Variants in CEP290 observed in about 807,000 individuals in gnomAD.
CEP290 encodes the protein centrosomal protein 290, also known as centrosomal protein of 290 kDa.
A neutral mutation model predicts 344.9 loss-of-function variants in CEP290; 317 were observed. The ratio of observed to expected loss-of-function variants is 0.92; its 90% CI spans 0.84 to 1.01. The LOEUF (loss-of-function observed/expected upper bound fraction) is 1.01. CEP290 is among the 50% of genes least tolerant of loss of function. The probability of loss-of-function intolerance (pLI) is 0.00; values close to 1 mark genes in which losing one functional copy is unlikely to be tolerated. For synonymous variants in CEP290, 932 were observed against 895.8 expected, an observed-to-expected ratio of 1.04 and a Z score of -0.72; for missense variants, 2,754 against 2,761.4, an observed-to-expected ratio of 1.00 and a Z score of 0.06.
intron 49 of CEP290, chr12:88,058,624 G>A: frequency 1.8e-6 from 1 of 567,012 alleles, no homozygotes; most frequent in Non-Finnish European, 3.1e-6. Context: ...GCTCTACACT[G>A]TTCCATGCCC....
intron 44 of CEP290, among the ~76,000 whole-genome samples, chr12:88,067,405 A>G (rs1231708363): frequency 6.6e-6 from 1 of 152,194 alleles, no homozygotes; most frequent in Non-Finnish European, 1.5e-5. Context: ...AAAGAAATAA[A>G]GGACGGCCAC....
chr12:88,139,308 G>A, intron 4 of CEP290, 117 bp from the exon 5 acceptor site: 1 of 543,256 alleles, frequency 1.8e-6, no homozygotes. Flanking sequence ...ATGATTATAA[G>A]GTAACAAAAA....
chr12:88,054,321 A>T lies in CEP290; in HGVS notation c.7034+19T>A, dbSNP rs1410588291. The T allele has an allele frequency of 1.3e-6, 2 of 1,531,092 alleles. No individual in the cohort carries two copies. The highest frequency in any genetic ancestry group is 1.4e-5 in the African/African-American group (1 of 71,808). The allele number at this position is 1,531,092 out of a possible 1,614,324, so 94.8% of individuals were successfully genotyped here. ...TTTTAAAGAAAAAAACAAAGTAGTC[A>T]TATGAATACATGATGTACCTAAGAA... On this transcript the variant is annotated intron_variant, in intron 51 of 53. Transcript: ENST00000552810.
intron 6 of CEP290, among the ~76,000 whole-genome samples, chr12:88,131,976 C>T (rs995230562): frequency 1.3e-5 from 2 of 152,164 alleles, no homozygotes; most frequent in South Asian, 4.1e-4. Context: ...AGGTTTATGT[C>T]CCTCATCAAC....
chr12:88,049,850 TTAA>T (rs1355997116), intron 53 of CEP290: 2 of 157,628 alleles, frequency 1.3e-5, no homozygotes, highest in South Asian at 2.0e-4. Flanking sequence ...TATAAAGTTA[TTAA>T]TATGATCAGG....
intron 12 of CEP290, 93 bp downstream of exon 12, chr12:88,126,223 C>T: frequency 9.7e-7 from 1 of 1,033,430 alleles, no homozygotes; most frequent in Non-Finnish European, 1.3e-6. Context: ...AGCCGCTACA[C>T]TAGGCACTGA....
intron 13 of CEP290, among the ~76,000 whole-genome samples, chr12:88,122,747 C>A (rs530289554): frequency 6.6e-4 from 100 of 152,258 alleles, no homozygotes; most frequent in African/African-American, 2.2e-3. Context: ...GCAGTTTAAA[C>A]TACTTTCAAA....
intron 20 of CEP290, among the ~76,000 whole-genome samples, chr12:88,113,643 G>C (rs1452948554): frequency 6.6e-6 from 1 of 151,728 alleles, no homozygotes; most frequent in Admixed American, 6.6e-5. Context: ...TAACATAAAT[G>C]ACATATACTT....
At chr12:88,056,436 A>G (rs1195032796) in intron 49 of CEP290, among the ~76,000 whole-genome samples, 1 of 152,214 alleles carries the variant, frequency 6.6e-6, no homozygotes, top group East Asian at 1.9e-4. Context: ...AAAATCTGCT[A>G]GGATAATACA....
chr12:88,085,719 C>A (rs1374027713), intron 34 of CEP290, among the ~76,000 whole-genome samples: 2 of 151,834 alleles, frequency 1.3e-5, no homozygotes, highest in African/African-American at 2.4e-5. Flanking sequence ...ACATGCACTT[C>A]AAAATAAAAC....
chr12:88,067,978 C>T (rs548207586), intron 44 of CEP290, among the ~76,000 whole-genome samples: 2 of 152,232 alleles, frequency 1.3e-5, no homozygotes, highest in South Asian at 4.1e-4. Flanking sequence ...TGAAAAATAT[C>T]ATGCCCTTGT....
chr12:88,088,992 T>C (rs371632756), intron 31 of CEP290, 40 bp downstream of exon 31: 23 of 1,390,904 alleles, frequency 1.7e-5, no homozygotes, highest in African/African-American at 1.4e-4. Context: ...CAGATCAAGA[T>C]ACTGTCTCTT....
intron 6 of CEP290, among the ~76,000 whole-genome samples, chr12:88,134,798 T>C (rs2040264719): frequency 1.3e-5 from 2 of 152,212 alleles, no homozygotes; most frequent in African/African-American, 2.4e-5. Flanking sequence ...TTTTCACTTA[T>C]ATTTCAGTCA....
At chr12:88,129,180 A>ATACAT (rs964845644) in intron 10 of CEP290, 145 bp from the exon 11 acceptor site, 1 of 409,002 alleles carries the variant, frequency 2.4e-6, no homozygotes, top group South Asian at 9.1e-5. Flanking sequence ...ATACATACGG[A>ATACAT]TACATTACAT....
At chr12:88,135,393 A>G (rs777265848) in intron 6 of CEP290, among the ~76,000 whole-genome samples, 1 of 152,190 alleles carries the variant, frequency 6.6e-6, no homozygotes, top group Non-Finnish European at 1.5e-5. Context: ...ACAGGTCTAT[A>G]TAGAAGAACA....
chr12:88,118,860 G>A, intron 15 of CEP290, 117 bp from the exon 16 acceptor site: 4 of 583,996 alleles, frequency 6.8e-6, no homozygotes, highest in South Asian at 3.5e-5. Context: ...TGAAGAATGA[G>A]GTAACTTTCT....
At chr12:88,058,521 C>T in intron 49 of CEP290, 1 of 282,606 alleles carries the variant, frequency 3.5e-6, no homozygotes, top group Non-Finnish European at 6.5e-6. Flanking sequence ...AGAAAAATAG[C>T]ACCCAGGAGA....
intron 26 of CEP290, among the ~76,000 whole-genome samples, chr12:88,097,857 AGAT>A (rs1160323716): frequency 6.6e-6 from 1 of 152,110 alleles, no homozygotes; most frequent in Non-Finnish European, 1.5e-5. Context: ...CATCAGTGAC[AGAT>A]GATGATGTTT....
At chr12:88,083,290 T>A in intron 36 of CEP290, 60 bp from the exon 37 acceptor site, 1 of 956,142 alleles carries the variant, frequency 1.0e-6, no homozygotes, top group Non-Finnish European at 1.4e-6. Flanking sequence ...ACTTATTCCA[T>A]ATTTTTAATT....
Sources: gnomAD v4.1 joint callset for allele counts (sites outside exome capture counted in the v4.1 genomes callset) on GRCh38, gnomAD v4.1.1 for gene constraint, MANE v1.5 for transcripts, NCBI Gene and HGNC (gene_info 2026-07-23, HGNC 2026-07-21) for gene names.